Variants in GABRA4 observed in about 807,000 individuals in gnomAD.
GABRA4 encodes the protein gamma-aminobutyric acid receptor subunit alpha-4.
A neutral mutation model predicts 49.7 loss-of-function variants in GABRA4; 12 were observed. That is an observed-to-expected ratio of 0.24 (90% confidence interval 0.15 to 0.39). The LOEUF (loss-of-function observed/expected upper bound fraction) is 0.39, where lower values mean the gene tolerates loss of function less well. Among genes scored for constraint, GABRA4 ranks in the 10% least tolerant of loss-of-function variants. The pLI is 1.00. For missense variants in GABRA4, 506 were observed against 686.0 expected, an observed-to-expected ratio of 0.74 and a Z score of 2.93; for synonymous variants, 288 against 240.2, an observed-to-expected ratio of 1.20 and a Z score of -1.84.
chr4:46,985,381 G>T (rs1171053638), intron 2 of GABRA4, among the ~76,000 whole-genome samples: 1 of 151,924 alleles, frequency 6.6e-6, no homozygotes, highest in African/African-American at 2.4e-5. Flanking sequence ...CTGGTTGGTG[G>T]TTTAACTGGT....
Position 46,920,294 on chromosome 4 carries a change from T to G in GABRA4, c.*7931A>C, listed in dbSNP as rs1225709116. 1 of 151,698 alleles carries G rather than the reference T, an allele frequency of 6.6e-6. No individual in the cohort carries two copies. The highest frequency in any genetic ancestry group is 1.5e-5 in the Non-Finnish European group (1 of 67,650). The allele number at this position is 151,698 out of a possible 1,614,324, so 9.4% of individuals were successfully genotyped here. On this transcript the variant is annotated 3_prime_UTR_variant, in exon 9 of 9. Coordinates refer to ENST00000264318, the MANE Select transcript of GABRA4 (RefSeq NM_000809.4). ...TAATTTGCCTTTGGAAATAATATTA[T>G]GCAATTGGTAATATCTTATATTGCC...
At chr4:46,973,167 G>A (rs191639864) in intron 6 of GABRA4, among the ~76,000 whole-genome samples, 2 of 151,934 alleles carry the variant, frequency 1.3e-5, no homozygotes, top group African/African-American at 4.8e-5. Flanking sequence ...GTGCCCATCA[G>A]ATGGTGATTG....
intron 8 of GABRA4, among the ~76,000 whole-genome samples, chr4:46,961,908 A>T (rs1453080696): frequency 6.6e-6 from 1 of 151,788 alleles, no homozygotes; most frequent in Non-Finnish European, 1.5e-5. Flanking sequence ...TTTTATGAGG[A>T]TCTGACTATT....
intron 8 of GABRA4, among the ~76,000 whole-genome samples, chr4:46,958,769 G>A (rs921625000): frequency 1.3e-5 from 2 of 151,746 alleles, no homozygotes; most frequent in Non-Finnish European, 2.9e-5. Flanking sequence ...CCAAAGAACC[G>A]AAATGATCAC....
chr4:46,993,563 C>A lies in GABRA4; in HGVS notation c.-139G>T. 1 of 860,622 alleles carries A rather than the reference C, an allele frequency of 1.2e-6. No individual in the cohort carries two copies. The highest frequency in any genetic ancestry group is 1.8e-6 in the Non-Finnish European group (1 of 542,680). The allele number at this position is 860,622 out of a possible 1,614,324, so 53.3% of individuals were successfully genotyped here. On this transcript the variant is annotated 5_prime_UTR_variant, in exon 1 of 9. Coordinates refer to ENST00000264318, the MANE Select transcript of GABRA4 (RefSeq NM_000809.4). ...CACACTCGCCCGCGCTCAGCCAGCC[C>A]GAGCCGCGGTGGGCGTGTGTGTGCA... is the stretch of plus-strand genomic sequence containing the variant.
At chr4:46,973,535 G>A (rs951741675) in intron 6 of GABRA4, among the ~76,000 whole-genome samples, 1 of 151,610 alleles carries the variant, frequency 6.6e-6, no homozygotes, top group African/African-American at 2.4e-5. Context: ...TATTTGTGTT[G>A]TTTTGTTACA....
rs187861313 is a variant in GABRA4, at chr4:46,980,325, T to A, written c.206-1227A>T. 1.4e-4 allele frequency among the ~76,000 whole-genome samples: 20 copies of A among 147,836 alleles called. No homozygotes were observed. The East Asian group carries it at 4.0e-3, about 29-fold the overall frequency. On this transcript the variant is annotated intron_variant, in intron 2 of 8. Transcript: ENST00000264318. ...GGAAGAATGACATCTGCTATGAAGA[T>A]GAAATAATCTCTCACTTGGATTCTT... is the stretch of plus-strand genomic sequence containing the variant.
intron 2 of GABRA4, among the ~76,000 whole-genome samples, chr4:46,979,528 C>A (rs1392111148): frequency 4.6e-5 from 7 of 152,038 alleles, no homozygotes; most frequent in Non-Finnish European, 8.8e-5. Flanking sequence ...GGAATGTATC[C>A]TTGGAGAGCT....
intron 8 of GABRA4, among the ~76,000 whole-genome samples, chr4:46,931,221 G>A (rs1444913790): frequency 6.6e-6 from 1 of 152,106 alleles, no homozygotes; most frequent in Admixed American, 6.6e-5. Context: ...GCCAGGAATA[G>A]TGCATGTTTC....
intron 7 of GABRA4, among the ~76,000 whole-genome samples, chr4:46,970,453 A>T (rs1458682750): frequency 6.6e-6 from 1 of 151,566 alleles, no homozygotes; most frequent in Non-Finnish European, 1.5e-5. Context: ...TGTAGAACAC[A>T]TTAACTTATA....
intron 8 of GABRA4, among the ~76,000 whole-genome samples, chr4:46,955,680 T>A (rs7665758): frequency 6.6e-6 from 1 of 151,748 alleles, no homozygotes; most frequent in Middle Eastern, 3.2e-3. Context: ...TTGATAGGTA[T>A]TTCATAAATA....
At chr4:46,952,830 G>GA (rs531673103) in intron 8 of GABRA4, among the ~76,000 whole-genome samples, 267 of 150,782 alleles carry the variant, frequency 1.8e-3, no homozygotes, top group African/African-American at 5.9e-3. Flanking sequence ...GATATAAATG[G>GA]AAAAAAAAGA....
intron 8 of GABRA4, among the ~76,000 whole-genome samples, chr4:46,959,836 G>GTA (rs1560473082): frequency 8.2e-6 from 1 of 121,800 alleles, no homozygotes; most frequent in Admixed American, 8.2e-5. Context: ...ATATATATAT[G>GTA]TGTGTGTGTG....
intron 8 of GABRA4, among the ~76,000 whole-genome samples, chr4:46,946,478 T>C (rs1018397868): frequency 6.6e-6 from 1 of 152,132 alleles, no homozygotes; most frequent in African/African-American, 2.4e-5. Flanking sequence ...GAGAATTGTT[T>C]TGTGTCCCAT....
chr4:46,947,767 TGTGTTTCCCA>T (rs1331936096), intron 8 of GABRA4, among the ~76,000 whole-genome samples: 1 of 152,204 alleles, frequency 6.6e-6, no homozygotes, highest in East Asian at 1.9e-4. Context: ...CTTAAAAGCA[TGTGTTTCCCA>T]GTTAATCTTG....
intron 3 of GABRA4, among the ~76,000 whole-genome samples, chr4:46,978,687 C>CAAAAAAAAAA (rs71193889): frequency 3.2e-3 from 69 of 21,464 alleles, no homozygotes; most frequent in East Asian, 6.5e-3. Context: ...AACTTCATCT[C>CAAAAAAAAAA]AAAAAAAAAA....
At chr4:46,977,017 A>C (rs763111916) in intron 5 of GABRA4, 44 bp downstream of exon 5, 1 of 1,061,372 alleles carries the variant, frequency 9.4e-7, no homozygotes, top group South Asian at 1.3e-5. Context: ...ATTAGCTTGC[A>C]TGAGGTAATC....
chr4:46,959,834 A>ATATGTG (rs142211586), intron 8 of GABRA4, among the ~76,000 whole-genome samples: 69 of 140,284 alleles, frequency 4.9e-4, no homozygotes, highest in Middle Eastern at 3.5e-3. Flanking sequence ...ATATATATAT[A>ATATGTG]TGTGTGTGTG....
chr4:46,992,731 C>A, intron 2 of GABRA4, 97 bp downstream of exon 2: 2 of 886,448 alleles, frequency 2.3e-6, no homozygotes, highest in South Asian at 2.7e-5. Context: ...TATTTTTGCA[C>A]GTGAGGCATA....
Sources: gnomAD v4.1 joint callset for allele counts (sites outside exome capture counted in the v4.1 genomes callset) on GRCh38, gnomAD v4.1.1 for gene constraint, MANE v1.5 for transcripts, NCBI Gene and HGNC (gene_info 2026-07-23, HGNC 2026-07-21) for gene names.